Variants in FAM171B observed in about 807,000 individuals in gnomAD.
FAM171B encodes protein FAM171B.
FAM171B carries 19 observed loss-of-function variants against 75.6 expected under a neutral mutation model. The observed-to-expected ratio is 0.25, with a 90% CI of 0.18 to 0.37. The LOEUF is 0.37. Among genes scored for constraint, FAM171B ranks in the 10% least tolerant of loss-of-function variants. The probability of loss-of-function intolerance (pLI) is 1.00; values close to 1 mark genes in which losing one functional copy is unlikely to be tolerated. For synonymous variants in FAM171B, 367 were observed against 361.7 expected (o/e 1.01, Z -0.17); for missense variants, 848 against 982.4 (o/e 0.86, Z 1.83).
At position 186,762,161 on chromosome 2, in the gene FAM171B, C is replaced by T; in HGVS notation, c.1819C>T (p.Leu607Phe). ...AGATGCCAGGGAAGAGGATATCATA[C>T]TTGAAGGTCAACAGAGCCTGCCATC... ...PPDAREEDIILEGQQSLPSQA... is the reference protein window; with the variant it reads ...PPDAREEDIIFEGQQSLPSQA... The change falls in exon 8 of 8, where the codon CTT (leucine) becomes TTT (phenylalanine). Residue 607 changes from leucine (L) to phenylalanine (F), a missense_variant. Leu to Phe is a conservative substitution (Grantham distance 22, BLOSUM62 0). Around this residue, in one of 3 missense-constraint regions of FAM171B, gnomAD observed 665 missense variants for 729.0 expected, o/e 0.91. Coordinates refer to ENST00000304698, the MANE Select transcript of FAM171B (RefSeq NM_177454.4). The surrounding 1 kb of genome is among the most constrained non-coding windows in gnomAD (Gnocchi z 4.0). 10 of 1,613,658 alleles carry T rather than the reference C, an allele frequency of 6.2e-6. No homozygotes were observed. The highest frequency in any genetic ancestry group is 8.5e-6 in the Non-Finnish European group (10 of 1,179,778).
At chr2:186,722,976 T>A (rs768157198) in intron 1 of FAM171B, among the ~76,000 whole-genome samples, 2 of 152,192 alleles carry the variant, frequency 1.3e-5, no homozygotes, top group African/African-American at 4.8e-5. Flanking sequence ...CGATAAATCC[T>A]TTTCAGGGTA....
intron 1 of FAM171B, among the ~76,000 whole-genome samples, chr2:186,716,821 T>C (rs1689882005): frequency 6.6e-6 from 1 of 152,226 alleles, no homozygotes; most frequent in Non-Finnish European, 1.5e-5. Flanking sequence ...ATTTTTCATG[T>C]TTTTCCTCTT....
chr2:186,713,291 G>C (rs1469453367), intron 1 of FAM171B, among the ~76,000 whole-genome samples: 1 of 152,206 alleles, frequency 6.6e-6, no homozygotes, highest in African/African-American at 2.4e-5. Flanking sequence ...TTGGTGGCTA[G>C]AGCATGGACT....
chr2:186,745,581 T>A (rs760587814), intron 3 of FAM171B, among the ~76,000 whole-genome samples: 2 of 152,236 alleles, frequency 1.3e-5, no homozygotes, highest in African/African-American at 4.8e-5. Flanking sequence ...GAATGTTTCA[T>A]AATGATGTTA....
At chr2:186,699,298 TG>T (rs1237400965) in intron 1 of FAM171B, among the ~76,000 whole-genome samples, 1 of 152,172 alleles carries the variant, frequency 6.6e-6, no homozygotes, top group East Asian at 1.9e-4. Context: ...TCTTATTGCC[TG>T]TCTTTGGATA....
chr2:186,729,157 A>G (rs749149863), intron 1 of FAM171B, among the ~76,000 whole-genome samples: 10 of 152,108 alleles, frequency 6.6e-5, no homozygotes, highest in African/African-American at 1.2e-4. Context: ...ACTGATACGT[A>G]TTTTATTTTT....
chr2:186,701,409 C>G (rs1356291871), intron 1 of FAM171B, among the ~76,000 whole-genome samples: 1 of 152,156 alleles, frequency 6.6e-6, no homozygotes, highest in Non-Finnish European at 1.5e-5. Context: ...GTACAATATT[C>G]TAACTATAGT....
intron 1 of FAM171B, among the ~76,000 whole-genome samples, chr2:186,706,554 A>C (rs1689735896): frequency 6.6e-6 from 1 of 152,234 alleles, no homozygotes; most frequent in African/African-American, 2.4e-5. Flanking sequence ...ATCTCGGCAC[A>C]TTCTGGTGTT....
chr2:186,751,279 T>A lies in FAM171B; in HGVS notation c.870T>A (p.Pro290=), dbSNP rs781361159. The change falls in exon 5 of 8, where the codon CCT becomes CCA. Residue 290 remains proline (P), a synonymous_variant. Coordinates refer to ENST00000304698, the MANE Select transcript of FAM171B (RefSeq NM_177454.4). ...ATATAAGTGCAGGGGATCGCATACCTGCTTGGACATTTGATATGAACACAG... is the reference window on the plus strand; with the variant it reads ...ATATAAGTGCAGGGGATCGCATACCAGCTTGGACATTTGATATGAACACAG... ...LNDISAGDRI[P]AWTFDMNTGA... 14 of 1,597,690 alleles carry A rather than the reference T, an allele frequency of 8.8e-6. No homozygotes were observed. The East Asian group carries it at 2.9e-4, about 33-fold the overall frequency.
At chr2:186,698,869 A>T (rs1259135235) in intron 1 of FAM171B, among the ~76,000 whole-genome samples, 1 of 152,138 alleles carries the variant, frequency 6.6e-6, no homozygotes, top group East Asian at 1.9e-4. Context: ...GTTCCCACAA[A>T]TGAGTGAGAA....
intron 1 of FAM171B, among the ~76,000 whole-genome samples, chr2:186,738,730 A>C (rs915962730): frequency 1.3e-5 from 2 of 152,140 alleles, no homozygotes; most frequent in African/African-American, 4.8e-5. Context: ...AGTTAGTGAA[A>C]CACAATAAAA....
rs1219701153 is a variant in FAM171B at position 186,765,605 on chromosome 2, A to G, written c.*2782A>G. Reference sequence around the variant, plus strand: ...TATGTGTTTGAATCCTCTGGTATCAATACGTATTATAGGGTTTTAGAGATC... The same window carrying G: ...TATGTGTTTGAATCCTCTGGTATCAGTACGTATTATAGGGTTTTAGAGATC... On this transcript the variant is annotated 3_prime_UTR_variant, in exon 8 of 8. Transcript: ENST00000304698. 6.6e-6 allele frequency: 1 copy of G among 152,026 alleles called. No individual in the cohort carries two copies. The highest frequency in any genetic ancestry group is 2.4e-5 in the African/African-American group (1 of 41,430). 9.4% of individuals were successfully genotyped at this position (152,026 alleles called of 1,614,324 possible).
rs528308938 is a variant in FAM171B, at chr2:186,722,278, T to C, written c.239-17950T>C. Among the ~76,000 whole-genome samples the C allele has an allele frequency of 3.9e-5, 6 of 152,336 alleles. No homozygotes were observed. In the South Asian group the frequency reaches 1.0e-3, roughly 26 times the overall value. ...GCTTTTGATGATTTTCTGTTCTAGGTATGACACAGAGTTTATTTACTAAGT... is the reference window on the plus strand; with the variant it reads ...GCTTTTGATGATTTTCTGTTCTAGGCATGACACAGAGTTTATTTACTAAGT... On this transcript the variant is annotated intron_variant, in intron 1 of 7. Transcript: ENST00000304698.
At chr2:186,706,640 G>A (rs1186725743) in intron 1 of FAM171B, among the ~76,000 whole-genome samples, 1 of 152,150 alleles carries the variant, frequency 6.6e-6, no homozygotes, top group Non-Finnish European at 1.5e-5. Flanking sequence ...TAGAAATAAA[G>A]GTGAAAAAGA....
chr2:186,703,170 C>G (rs1214472366), intron 1 of FAM171B, among the ~76,000 whole-genome samples: 1 of 152,042 alleles, frequency 6.6e-6, no homozygotes, highest in Non-Finnish European at 1.5e-5. Context: ...ACCTCTGCCT[C>G]CTGGGTTCAA....
chr2:186,699,818 T>A (rs1464353283), intron 1 of FAM171B, among the ~76,000 whole-genome samples: 1 of 152,142 alleles, frequency 6.6e-6, no homozygotes, highest in African/African-American at 2.4e-5. Flanking sequence ...GGGATAGGGG[T>A]CTAGTTTTAT....
At chr2:186,722,864 C>CA (rs1402165900) in intron 1 of FAM171B, among the ~76,000 whole-genome samples, 1 of 152,130 alleles carries the variant, frequency 6.6e-6, no homozygotes, top group East Asian at 1.9e-4. Flanking sequence ...TTGTGCAGCT[C>CA]AAAATAGTAA....
intron 1 of FAM171B, among the ~76,000 whole-genome samples, chr2:186,728,389 G>A (rs956938659): frequency 9.2e-5 from 14 of 152,094 alleles, no homozygotes; most frequent in Non-Finnish European, 1.5e-4. Context: ...ATACATCAAG[G>A]AAAGTCTGTT....
intron 3 of FAM171B, among the ~76,000 whole-genome samples, chr2:186,746,613 A>G (rs555202647): frequency 6.2e-4 from 95 of 152,350 alleles, no homozygotes; most frequent in African/African-American, 2.2e-3. Flanking sequence ...GATGGCTGTT[A>G]CAACTCCTGG....
Sources: gnomAD v4.1 joint callset for allele counts (sites outside exome capture counted in the v4.1 genomes callset) on GRCh38, gnomAD v4.1.1 for gene constraint, gnomAD v4.1.1 regional missense constraint, Gnocchi (gnomAD v3.1) non-coding constraint, MANE v1.5 for transcripts, NCBI Gene and HGNC (gene_info 2026-07-23, HGNC 2026-07-21) for gene names.